Variants in CCDC7 observed in about 807,000 individuals in gnomAD.
CCDC7 encodes coiled-coil domain containing 7.
In CCDC7, 183 loss-of-function variants were observed where a neutral mutation model predicts 196.9. That is an observed-to-expected ratio of 0.93 (90% confidence interval 0.82 to 1.05). The LOEUF (loss-of-function observed/expected upper bound fraction) is 1.05. CCDC7 is among the 50% of genes least tolerant of loss of function. CCDC7 has a pLI of 0.00. For synonymous variants in CCDC7, 525 were observed against 484.6 expected, an observed-to-expected ratio of 1.08 and a Z score of -1.10; for missense variants, 1,540 against 1,482.2, an observed-to-expected ratio of 1.04 and a Z score of -0.64.
At chr10:32,805,171 T>C (rs761904540) in intron 30 of CCDC7, 73 bp downstream of exon 31, 2 of 1,028,040 alleles carry the variant, frequency 1.9e-6, no homozygotes, top group Non-Finnish European at 3.0e-6. Flanking sequence ...GTATCCTTAA[T>C]AGCAATGGTG....
chr10:32,567,803 A>G, exon 15 of CCDC7: 1 of 1,613,756 alleles, frequency 6.2e-7, no homozygotes, highest in African/African-American at 1.3e-5. Context: ...GATTCAAAAA[A>G]TATACCATTG....
At chr10:32,544,339 TA>T in intron 13 of CCDC7, 38 bp downstream of exon 14, 1 of 1,577,514 alleles carries the variant, frequency 6.3e-7, no homozygotes, top group Non-Finnish European at 8.6e-7. Context: ...AATATTTGAT[TA>T]ATACTTGCTC....
downstream of CCDC7, chr10:32,876,471 C>G (rs1195743680): frequency 1.4e-6 from 2 of 1,385,014 alleles, no homozygotes; most frequent in Non-Finnish European, 1.0e-6. Context: ...AGTATAGAAG[C>G]CTTTTGAAAA....
Position 32,462,667 on chromosome 10 carries a change from A to G in CCDC7, c.457-16A>G. On this transcript the variant is annotated splice_polypyrimidine_tract_variant and intron_variant, in intron 3 of 41. Transcript: ENST00000639629. ...ATTCTAATTTTAAATGTGTTAATTA[A>G]AACTTTATTTTTCAGATTTTGGAAT... 1 of 1,421,094 alleles carries G rather than the reference A, an allele frequency of 7.0e-7. No individual in the cohort carries two copies. The highest frequency in any genetic ancestry group is 9.6e-7 in the Non-Finnish European group (1 of 1,043,960). The allele number at this position is 1,421,094 out of a possible 1,614,324, so 88.0% of individuals were successfully genotyped here.
In CCDC7 at chr10:32,500,707, G is replaced by A. The variant is rs371411581; in HGVS notation, c.872+8710G>A. ...AGGCCAAGGCAGGCGGCTGGGAGGT[G>A]GAGGTTGTAGCCAGCCAAGATCACA... On this transcript the variant is annotated intron_variant, in intron 9 of 41. Coordinates refer to ENST00000639629, the Ensembl canonical transcript of CCDC7. Among the ~76,000 whole-genome samples the A allele has an allele frequency of 7.7e-4, 117 of 152,332 alleles. No homozygotes were observed. In the Middle Eastern group the frequency reaches 0.01, roughly 13 times the overall value.
intron 9 of CCDC7, among the ~76,000 whole-genome samples, chr10:32,511,148 GAT>G (rs201892567): frequency 0.052 from 7,869 of 150,278 alleles, 667 homozygotes; most frequent in African/African-American, 0.18. Flanking sequence ...AATCAATAAA[GAT>G]AATGATCTTT....
chr10:32,821,810 G>T (rs2090268857), intron 31 of CCDC7, among the ~76,000 whole-genome samples: 1 of 151,966 alleles, frequency 6.6e-6, no homozygotes. Context: ...GGGGCCTGTT[G>T]TGGGGTGGGG....
chr10:32,825,467 G>T (rs1330725407), intron 32 of CCDC7, among the ~76,000 whole-genome samples: 1 of 152,162 alleles, frequency 6.6e-6, no homozygotes, highest in African/African-American at 2.4e-5. Flanking sequence ...CTCCTGTGCT[G>T]GATGCTTCCT....
At chr10:32,829,315 A>G (rs1040293850) in intron 32 of CCDC7, among the ~76,000 whole-genome samples, 8 of 152,210 alleles carry the variant, frequency 5.3e-5, no homozygotes, top group African/African-American at 1.9e-4. Flanking sequence ...AAGGGAATAC[A>G]GAATGCATAA....
chr10:32,487,825 T>C (rs536847703), intron 8 of CCDC7, among the ~76,000 whole-genome samples: 1 of 152,324 alleles, frequency 6.6e-6, no homozygotes, highest in South Asian at 2.1e-4. Flanking sequence ...CAAATATTGC[T>C]GCCTGATCGT....
At chr10:32,612,069 T>A (rs1305802979) in intron 18 of CCDC7, among the ~76,000 whole-genome samples, 1 of 152,216 alleles carries the variant, frequency 6.6e-6, no homozygotes, top group East Asian at 1.9e-4. Flanking sequence ...TGTTTTTCCA[T>A]TTGTTTGTGT....
intron 28 of CCDC7, among the ~76,000 whole-genome samples, chr10:32,734,851 T>C (rs995866239): frequency 5.3e-5 from 8 of 151,946 alleles, no homozygotes; most frequent in Admixed American, 4.6e-4. Context: ...TGAGCTGAGA[T>C]TGTGCCACTG....
At chr10:32,756,027 T>G (rs1227315082) in intron 28 of CCDC7, among the ~76,000 whole-genome samples, 1 of 152,016 alleles carries the variant, frequency 6.6e-6, no homozygotes, top group African/African-American at 2.4e-5. Flanking sequence ...ATCAAATGAA[T>G]GAAATGAAGC....
At chr10:32,512,751 C>G (rs2046413363) in intron 9 of CCDC7, 1 of 151,974 alleles carries the variant, frequency 6.6e-6, no homozygotes, top group Non-Finnish European at 1.5e-5. Flanking sequence ...ATCTATAACT[C>G]CCTAAAAACA....
intron 28 of CCDC7, among the ~76,000 whole-genome samples, chr10:32,752,040 A>C (rs2075742738): frequency 6.6e-6 from 1 of 152,106 alleles, no homozygotes. Flanking sequence ...ATGATGCTAT[A>C]CTTGGAGGCT....
intron 21 of CCDC7, among the ~76,000 whole-genome samples, chr10:32,664,498 T>G (rs2072214695): frequency 6.6e-6 from 1 of 152,118 alleles, no homozygotes; most frequent in Non-Finnish European, 1.5e-5. Flanking sequence ...ATTGCTTCAG[T>G]CCTCCCACCA....
intron 28 of CCDC7, among the ~76,000 whole-genome samples, chr10:32,775,926 A>G (rs2079948890): frequency 6.6e-6 from 1 of 150,878 alleles, no homozygotes; most frequent in Admixed American, 6.6e-5. Flanking sequence ...TGTGGCACAT[A>G]TACACCATGG....
At chr10:32,816,385 G>A (rs2088550477) in intron 31 of CCDC7, among the ~76,000 whole-genome samples, 2 of 152,224 alleles carry the variant, frequency 1.3e-5, no homozygotes, top group Non-Finnish European at 2.9e-5. Context: ...AGGCCTGCCT[G>A]CCTCTGTAGA....
At chr10:32,849,471 G>A (rs1417186155) in intron 39 of CCDC7, among the ~76,000 whole-genome samples, 3 of 151,944 alleles carry the variant, frequency 2.0e-5, no homozygotes, top group East Asian at 1.9e-4. Context: ...TTGGGAGGCC[G>A]AGGCAGGCAG....
Sources: allele counts gnomAD v4.1 joint callset (sites outside exome capture counted in the v4.1 genomes callset), GRCh38; gene constraint gnomAD v4.1.1; transcripts MANE v1.5; gene names NCBI Gene and HGNC (gene_info 2026-07-23, HGNC 2026-07-21).